ANO3: variants seen among roughly 807,000 people sequenced by gnomAD.
ANO3 encodes the protein anoctamin 3, also known as anoctamin-3.
A neutral mutation model predicts 144.8 loss-of-function variants in ANO3; 99 were observed. The ratio of observed to expected loss-of-function variants is 0.68; its 90% CI spans 0.58 to 0.81. The LOEUF (loss-of-function observed/expected upper bound fraction) is 0.81, where lower values mean the gene tolerates loss of function less well. Ranked by LOEUF, ANO3 falls within the 30% of genes least tolerant of loss-of-function variation. The probability of loss-of-function intolerance (pLI) is 0.00; values close to 1 mark genes in which losing one functional copy is unlikely to be tolerated. For synonymous variants in ANO3, 414 were observed against 392.6 expected (o/e 1.05, Z -0.64); for missense variants, 905 against 1,202.2 (o/e 0.75, Z 3.66).
At position 26,292,520 on chromosome 11, in the gene ANO3, C is replaced by T. The variant is rs147105741; in HGVS notation, c.155-17125C>T. ...TGATTTTTAGAATTTTCAGCTTTTCCGCTCTGGTTTCTCCCCATCTTTGTG... is the reference window on the plus strand; with the variant it reads ...TGATTTTTAGAATTTTCAGCTTTTCTGCTCTGGTTTCTCCCCATCTTTGTG... On this transcript the variant is annotated intron_variant, in intron 1 of 27. Coordinates refer to the ANO3 transcript ENST00000672621. Among the ~76,000 whole-genome samples, 595 of 152,202 alleles carry T rather than the reference C, an allele frequency of 3.9e-3. 3 individuals carry two copies. Among genetic ancestry groups the T allele is most frequent in the African/African-American group, 0.013 (541 of 41,532 alleles).
intron 14 of ANO3, among the ~76,000 whole-genome samples, chr11:26,564,077 A>G (rs2134259454): frequency 6.6e-6 from 1 of 151,974 alleles, no homozygotes; most frequent in South Asian, 2.1e-4. Context: ...ATGTTAGAGT[A>G]CAGTAAACTT....
chr11:26,476,083 C>A (rs1859957093), intron 4 of ANO3, among the ~76,000 whole-genome samples: 1 of 152,068 alleles, frequency 6.6e-6, no homozygotes, highest in African/African-American at 2.4e-5. Flanking sequence ...ATTTGAGAAC[C>A]ATTGTCTTAA....
intron 1 of ANO3, among the ~76,000 whole-genome samples, chr11:26,373,414 G>A (rs1490701114): frequency 6.6e-6 from 1 of 152,116 alleles, no homozygotes; most frequent in Non-Finnish European, 1.5e-5. Flanking sequence ...TGAAGAATGT[G>A]CCTGCTTCTG....
intron 1 of ANO3, among the ~76,000 whole-genome samples, chr11:26,203,992 G>C (rs997287909): frequency 1.3e-5 from 2 of 152,088 alleles, no homozygotes; most frequent in Non-Finnish European, 2.9e-5. Flanking sequence ...TTCCAGAGCT[G>C]GTAGAGGATG....
chr11:26,232,370 A>G (rs1017114698), intron 1 of ANO3, among the ~76,000 whole-genome samples: 1 of 152,126 alleles, frequency 6.6e-6, no homozygotes, highest in Non-Finnish European at 1.5e-5. Context: ...AGACAGAAAA[A>G]CAGAGTCAAG....
At chr11:26,403,199 A>T (rs997147131) in intron 1 of ANO3, among the ~76,000 whole-genome samples, 2 of 151,948 alleles carry the variant, frequency 1.3e-5, no homozygotes, top group South Asian at 4.1e-4. Context: ...TCCAGATTCA[A>T]TTTTTATCAA....
At chr11:26,575,308 A>G (rs528915441) in intron 14 of ANO3, among the ~76,000 whole-genome samples, 1 of 151,948 alleles carries the variant, frequency 6.6e-6, no homozygotes, top group South Asian at 2.1e-4. Context: ...TTGTTTTTTA[A>G]GGTAAGAGCC....
At chr11:26,333,985 C>T (rs1242225381) in intron 1 of ANO3, among the ~76,000 whole-genome samples, 1 of 152,176 alleles carries the variant, frequency 6.6e-6, no homozygotes, top group African/African-American at 2.4e-5. Context: ...TGACTCATTT[C>T]TGGGATCTGG....
intron 1 of ANO3, among the ~76,000 whole-genome samples, chr11:26,189,901 C>T (rs907897172): frequency 1.3e-5 from 2 of 152,122 alleles, no homozygotes; most frequent in African/African-American, 4.8e-5. Flanking sequence ...TAGAATCTCA[C>T]AGTTTTTGTT....
chr11:26,453,512 T>C (rs1169199520), intron 3 of ANO3, among the ~76,000 whole-genome samples: 2 of 152,072 alleles, frequency 1.3e-5, no homozygotes, highest in South Asian at 2.1e-4. Context: ...AAGAGATCAA[T>C]TCAACAAGAA....
At position 26,463,870 on chromosome 11, in the gene ANO3, C is replaced by T. The variant is rs143293920; in HGVS notation, c.432+722C>T. 1.2e-3 allele frequency among the ~76,000 whole-genome samples: 189 copies of T among 151,420 alleles called. 2 individuals carry two copies. The highest frequency in any genetic ancestry group is 4.1e-3 in the African/African-American group (169 of 41,366). Reference sequence around the variant, plus strand: ...CATATTTCCCTTTTGATGATTTTCACGACAAATCCTAGCTCAGGATAAGCT... The same window carrying T: ...CATATTTCCCTTTTGATGATTTTCATGACAAATCCTAGCTCAGGATAAGCT... On this transcript the variant is annotated intron_variant, in intron 4 of 26. Coordinates refer to ENST00000256737, the MANE Select transcript of ANO3 (RefSeq NM_031418.4).
chr11:26,632,119 G>A (rs972477014), intron 18 of ANO3, among the ~76,000 whole-genome samples: 6 of 151,758 alleles, frequency 4.0e-5, no homozygotes, highest in African/African-American at 1.5e-4. Flanking sequence ...TCGAACCCGG[G>A]AGGTGGAGGT....
At chr11:26,408,037 G>T (rs1857333993) in intron 1 of ANO3, among the ~76,000 whole-genome samples, 1 of 151,892 alleles carries the variant, frequency 6.6e-6, no homozygotes. Flanking sequence ...GAAAACCTAG[G>T]CAGTACCATT....
chr11:26,345,903 GTAATATAAA>G (rs1286402033), intron 1 of ANO3, among the ~76,000 whole-genome samples: 2 of 152,172 alleles, frequency 1.3e-5, no homozygotes, highest in Admixed American at 1.3e-4. Flanking sequence ...TAAATACTCA[GTAATATAAA>G]TATATAGAAA....
At chr11:26,627,126 T>C (rs1012185053) in intron 18 of ANO3, among the ~76,000 whole-genome samples, 3 of 151,992 alleles carry the variant, frequency 2.0e-5, no homozygotes, top group Non-Finnish European at 4.4e-5. Context: ...TATATATATA[T>C]ATATACAAGG....
chr11:26,296,383 A>G (rs1854089439), intron 1 of ANO3, among the ~76,000 whole-genome samples: 1 of 152,068 alleles, frequency 6.6e-6, no homozygotes, highest in Non-Finnish European at 1.5e-5. Flanking sequence ...CCTCTCTTCC[A>G]TGCTTTGGGG....
intron 17 of ANO3, among the ~76,000 whole-genome samples, chr11:26,623,107 C>G (rs1852468634): frequency 6.6e-6 from 1 of 152,140 alleles, no homozygotes; most frequent in South Asian, 2.1e-4. Flanking sequence ...TTGTGTATAG[C>G]TAAAACAAAG....
At chr11:26,472,458 T>G (rs1352772669) in intron 4 of ANO3, among the ~76,000 whole-genome samples, 1 of 151,920 alleles carries the variant, frequency 6.6e-6, no homozygotes, top group East Asian at 1.9e-4. Context: ...GCTACGTAAC[T>G]TTCCTGTTAT....
At chr11:26,629,404 A>C (rs1291424382) in intron 18 of ANO3, among the ~76,000 whole-genome samples, 1 of 151,684 alleles carries the variant, frequency 6.6e-6, no homozygotes, top group Non-Finnish European at 1.5e-5. Flanking sequence ...ATTCCTATCT[A>C]TCTATCTATC....
Sources: allele counts gnomAD v4.1 joint callset (sites outside exome capture counted in the v4.1 genomes callset), GRCh38; gene constraint gnomAD v4.1.1; transcripts MANE v1.5; gene names NCBI Gene and HGNC (gene_info 2026-07-23, HGNC 2026-07-21).